Variants in OR7E24 observed in about 807,000 individuals in gnomAD.
The protein encoded by OR7E24 is olfactory receptor family 7 subfamily E member 24.
For synonymous variants in OR7E24, 130 were observed against 157.5 expected (o/e 0.83, Z 1.31); for missense variants, 385 against 410.3 (o/e 0.94, Z 0.53).
At position 9,251,519 on chromosome 19, in the gene OR7E24, G is replaced by T. The variant is rs758945639; in HGVS notation, c.476G>T (p.Cys159Phe). ...CGAATCATCATGAACCCACGCCTCT[G>T]TGGCTTCTTAATCTTGTTGTCTTTT... ...HYRIIMNPRL[C>F]GFLILLSFFI... Residue 159 changes from cysteine (C) to phenylalanine (F), a missense_variant, in exon 1 of 1, where the codon TGT (cysteine) becomes TTT (phenylalanine). Cys to Phe is a radical substitution (Grantham distance 205). Transcript: ENST00000456448. 20 of 1,614,136 alleles carry T rather than the reference G, an allele frequency of 1.2e-5. No homozygotes were observed. Among genetic ancestry groups the T allele is most frequent in the Non-Finnish European group, 1.7e-5 (20 of 1,180,020 alleles).
At chr19:9,217,600 G>A in the OR7E24 span, among the ~76,000 whole-genome samples, 2 of 152,228 alleles carry the variant, frequency 1.3e-5, no homozygotes, top group Non-Finnish European at 2.9e-5. Flanking sequence ...GTATAGTGGT[G>A]CTATCTCTGT....
the OR7E24 span, among the ~76,000 whole-genome samples, chr19:9,228,192 C>T: frequency 2.6e-5 from 4 of 152,060 alleles, no homozygotes; most frequent in Non-Finnish European, 5.9e-5. Flanking sequence ...TATTTTTTGA[C>T]TTTTTAATAA....
chr19:9,225,546 G>A, the OR7E24 span, among the ~76,000 whole-genome samples: 1 of 152,074 alleles, frequency 6.6e-6, no homozygotes, highest in Non-Finnish European at 1.5e-5. Flanking sequence ...GACAAGGGAG[G>A]GGGACACTAC....
In OR7E24 at chr19:9,251,181, T is replaced by C. The variant is rs763336478; in HGVS notation, c.138T>C (p.Ala46=). 2.5e-6 allele frequency: 4 copies of C among 1,614,136 alleles called. No individual in the cohort carries two copies. The Admixed American group carries it at 6.7e-5, about 27-fold the overall frequency. Residue 46 remains alanine (A), a synonymous_variant, in exon 1 of 1, where the codon GCT becomes GCC. Coordinates refer to ENST00000456448, the MANE Select transcript of OR7E24 (RefSeq NM_001079935.2). The part of the protein sequence containing the change: ...SEDPELQPVL[A]GLFLSMYLVT... ...ATCCAGAACTGCAGCCGGTCCTCGC[T>C]GGGCTGTTCCTGTCCATGTACCTGG...
At chr19:9,240,835 T>A in the OR7E24 span, among the ~76,000 whole-genome samples, 34 of 152,312 alleles carry the variant, frequency 2.2e-4, no homozygotes, top group African/African-American at 8.2e-4. Context: ...TTATTTATTT[T>A]GAGACACAGT....
upstream of OR7E24, among the ~76,000 whole-genome samples, chr19:9,250,399 T>C (rs2066141965): frequency 6.6e-6 from 1 of 152,220 alleles, no homozygotes; most frequent in Admixed American, 6.5e-5. Flanking sequence ...TGGGCTACTT[T>C]CTTATCAAAA....
the OR7E24 span, among the ~76,000 whole-genome samples, chr19:9,221,643 G>T: frequency 1.3e-5 from 2 of 151,888 alleles, no homozygotes; most frequent in Admixed American, 6.6e-5. Context: ...GAGCCACCGC[G>T]CCAGGCTGTC....
chr19:9,235,502 A>G, the OR7E24 span: 2 of 1,586,150 alleles, frequency 1.3e-6, no homozygotes, highest in East Asian at 2.2e-5. Flanking sequence ...GTGATAGCCT[A>G]TGACCGGTTT....
At chr19:9,241,953 CA>C in the OR7E24 span, among the ~76,000 whole-genome samples, 1 of 152,122 alleles carries the variant, frequency 6.6e-6, no homozygotes, top group African/African-American at 2.4e-5. Context: ...GTTTTATATA[CA>C]GTCTTTAAAG....
At chr19:9,224,259 T>C in the OR7E24 span, among the ~76,000 whole-genome samples, 3 of 152,168 alleles carry the variant, frequency 2.0e-5, no homozygotes, top group Admixed American at 6.6e-5. Context: ...TGTCTAATGT[T>C]ACGACTTAGT....
At chr19:9,216,176 A>G in the OR7E24 span, among the ~76,000 whole-genome samples, 1 of 152,172 alleles carries the variant, frequency 6.6e-6, no homozygotes, top group Non-Finnish European at 1.5e-5. Context: ...TGGGAATTCA[A>G]GATGAGATCT....
chr19:9,227,776 C>T, the OR7E24 span, among the ~76,000 whole-genome samples: 2,837 of 109,674 alleles, frequency 0.026, 86 homozygotes, highest in African/African-American at 0.085. Context: ...TTTTTTGAGA[C>T]GGAGTCTCGC....
chr19:9,238,985 T>G, the OR7E24 span, among the ~76,000 whole-genome samples: 1 of 152,204 alleles, frequency 6.6e-6, no homozygotes, highest in African/African-American at 2.4e-5. Context: ...AAAACAGAAA[T>G]GCAGATATCT....
the OR7E24 span, among the ~76,000 whole-genome samples, chr19:9,221,733 T>TATCAC: frequency 6.6e-6 from 1 of 151,874 alleles, no homozygotes; most frequent in Non-Finnish European, 1.5e-5. Context: ...ATTAGCCCCA[T>TATCAC]ATCACATGTC....
upstream of OR7E24, among the ~76,000 whole-genome samples, chr19:9,248,246 C>T (rs1001732429): frequency 6.6e-6 from 1 of 152,154 alleles, no homozygotes; most frequent in Non-Finnish European, 1.5e-5. Flanking sequence ...TTACTGAGGG[C>T]TTCCTAAATG....
At chr19:9,248,369 A>G (rs139856760), upstream of OR7E24, among the ~76,000 whole-genome samples, 20 of 152,296 alleles carry the variant, frequency 1.3e-4, 1 homozygote, top group South Asian at 4.1e-4. Flanking sequence ...GGAAAGGAGC[A>G]ATGCATTTTT....
At chr19:9,240,738 G>C in the OR7E24 span, among the ~76,000 whole-genome samples, 12,978 of 152,070 alleles carry the variant, frequency 0.085, 1,413 homozygotes, top group African/African-American at 0.25. Flanking sequence ...TCCAAATAAA[G>C]TGTAATCAAG....
At chr19:9,247,334 C>T (rs2066133233), upstream of OR7E24, 1 of 396,598 alleles carries the variant, frequency 2.5e-6, no homozygotes, top group Admixed American at 4.4e-5. Context: ...TGCCTCCAGC[C>T]CTGCAGTGTG....
At chr19:9,219,605 C>T in the OR7E24 span, 2 of 152,176 alleles carry the variant, frequency 1.3e-5, no homozygotes, top group African/African-American at 4.8e-5. Context: ...TGGGTTTTTT[C>T]CAAAGGCTGG....
Sources: gnomAD v4.1 joint callset for allele counts (sites outside exome capture counted in the v4.1 genomes callset) on GRCh38, gnomAD v4.1.1 for gene constraint, MANE v1.5 for transcripts, NCBI Gene and HGNC (gene_info 2026-07-23, HGNC 2026-07-21) for gene names.